Variants in SGK3 observed in about 807,000 individuals in gnomAD.
The protein encoded by SGK3 is serine/threonine-protein kinase Sgk3.
A neutral mutation model predicts 68.5 loss-of-function variants in SGK3; 47 were observed. The observed-to-expected ratio is 0.69, with a 90% CI of 0.54 to 0.87. The LOEUF is 0.87. Ranked by LOEUF, SGK3 falls within the 40% of genes least tolerant of loss-of-function variation. The pLI is 0.00. For synonymous variants in SGK3, 181 were observed against 189.1 expected (o/e 0.96, Z 0.35); for missense variants, 479 against 575.5 (o/e 0.83, Z 1.72).
intron 1 of SGK3, among the ~76,000 whole-genome samples, chr8:66,735,889 A>G (rs1178169334): frequency 6.6e-6 from 1 of 152,222 alleles, no homozygotes; most frequent in Non-Finnish European, 1.5e-5. Flanking sequence ...GGCACTCAAT[A>G]GATCTATCCA....
At chr8:66,833,618 A>C (rs1331375686) in intron 8 of SGK3, among the ~76,000 whole-genome samples, 3 of 152,236 alleles carry the variant, frequency 2.0e-5, no homozygotes, top group Admixed American at 6.5e-5. Context: ...GTGTTGTCAA[A>C]TCCGTGACCA....
In SGK3 at chr8:66,756,569, CTTTTTTTTTTT is replaced by C. The variant is rs34499404; in HGVS notation, c.-121-37029_-121-37019del. Among the ~76,000 whole-genome samples, 10 of 77,932 alleles carry C rather than the reference CTTTTTTTTTTT, an allele frequency of 1.3e-4. 1 individual carries two copies. Among genetic ancestry groups the C allele is most frequent in the Middle Eastern group, 0.01 (1 of 96 alleles). The allele number at this position is 77,932 out of a possible 152,430, so 51.1% of individuals were successfully genotyped here. Reference sequence around the variant, plus strand: ...ATCTTGAAATTGAGGCATGCATCTACTTTTTTTTTTTTTTTTTTTTTTTTTTTTGAGACAGG... The same window carrying C: ...ATCTTGAAATTGAGGCATGCATCTACTTTTTTTTTTTTTTTTTGAGACAGG... On this transcript the variant is annotated intron_variant, in intron 1 of 16. Coordinates refer to ENST00000521198, the MANE Select transcript of SGK3 (RefSeq NM_001033578.3).
At chr8:66,716,285 T>A (rs1427401708) in intron 1 of SGK3, among the ~76,000 whole-genome samples, 1 of 152,170 alleles carries the variant, frequency 6.6e-6, no homozygotes, top group Non-Finnish European at 1.5e-5. Context: ...TAGTTTTAAC[T>A]CAATGCTAAC....
intron 4 of SGK3, among the ~76,000 whole-genome samples, chr8:66,809,654 T>G (rs1808301733): frequency 6.6e-6 from 1 of 152,228 alleles, no homozygotes; most frequent in East Asian, 1.9e-4. Context: ...GTATGAAATG[T>G]AATTTATTTG....
At chr8:66,742,726 G>GATAAGTCAGTCTTT (rs1805518565) in intron 1 of SGK3, among the ~76,000 whole-genome samples, 1 of 152,076 alleles carries the variant, frequency 6.6e-6, no homozygotes, top group Non-Finnish European at 1.5e-5. Context: ...GTCTTTATGA[G>GATAAGTCAGTCTTT]ATGATGTAGA....
At chr8:66,846,488 A>AT (rs1190154022) in intron 14 of SGK3, among the ~76,000 whole-genome samples, 3 of 151,252 alleles carry the variant, frequency 2.0e-5, no homozygotes, top group South Asian at 2.1e-4. Context: ...CTGGTTTTTT[A>AT]TTTTTTCAGT....
intron 1 of SGK3, among the ~76,000 whole-genome samples, chr8:66,715,621 G>A (rs947328827): frequency 1.3e-5 from 2 of 152,174 alleles, no homozygotes; most frequent in African/African-American, 4.8e-5. Flanking sequence ...CATAGGTATT[G>A]TAAATATTTT....
chr8:66,855,176 G>C (rs957459407), intron 16 of SGK3, among the ~76,000 whole-genome samples: 11 of 152,252 alleles, frequency 7.2e-5, no homozygotes, highest in African/African-American at 2.4e-4. Flanking sequence ...TGGTAGATTT[G>C]ACTACATAAA....
chr8:66,744,103 G>A (rs186802944), intron 1 of SGK3, among the ~76,000 whole-genome samples: 8 of 152,254 alleles, frequency 5.3e-5, no homozygotes, highest in Admixed American at 2.6e-4. Context: ...CTGAGACAGC[G>A]TGCATGGGAG....
chr8:66,760,330 CTTTTTTTTTT>C (rs201559163), intron 1 of SGK3, among the ~76,000 whole-genome samples: 7 of 115,648 alleles, frequency 6.1e-5, no homozygotes, highest in South Asian at 2.9e-4. Context: ...TTTCTTTTTT[CTTTTTTTTTT>C]TTTTTTTTTT....
chr8:66,767,078 C>A (rs1806342006), intron 1 of SGK3, among the ~76,000 whole-genome samples: 1 of 152,214 alleles, frequency 6.6e-6, no homozygotes, highest in African/African-American at 2.4e-5. Context: ...CTCCCGACCT[C>A]AGGTGATCCG....
At chr8:66,773,784 G>A (rs188660495) in intron 1 of SGK3, among the ~76,000 whole-genome samples, 2 of 152,210 alleles carry the variant, frequency 1.3e-5, no homozygotes, top group African/African-American at 2.4e-5. Flanking sequence ...GATGGAGTGG[G>A]ATAGCGTGAG....
chr8:66,850,798 C>T lies in SGK3; in HGVS notation c.1231-33C>T, dbSNP rs775635915. 24 of 1,561,138 alleles carry T rather than the reference C, an allele frequency of 1.5e-5. No homozygotes were observed. In the African/African-American group the frequency reaches 2.7e-4, roughly 18 times the overall value. ...AGTTAGTACTTAATATATTCTTCGG[C>T]ATTAGTAAAACAAATTTTTTTTAAT... On this transcript the variant is annotated intron_variant, in intron 15 of 16. Transcript: ENST00000521198.
At chr8:66,833,212 G>A (rs1809374110) in intron 8 of SGK3, among the ~76,000 whole-genome samples, 1 of 152,040 alleles carries the variant, frequency 6.6e-6, no homozygotes, top group Admixed American at 6.6e-5. Flanking sequence ...TACCATGTTG[G>A]CCAGGCTGGT....
chr8:66,783,521 T>C (rs1485700800), intron 1 of SGK3, among the ~76,000 whole-genome samples: 3 of 152,120 alleles, frequency 2.0e-5, no homozygotes, highest in East Asian at 3.8e-4. Flanking sequence ...TTTATTTTTA[T>C]TTTTATTTTT....
At chr8:66,728,868 A>G (rs573587979) in intron 1 of SGK3, among the ~76,000 whole-genome samples, 5 of 151,902 alleles carry the variant, frequency 3.3e-5, no homozygotes, top group Non-Finnish European at 7.4e-5. Context: ...GTGAACTATG[A>G]TCACACCACT....
At chr8:66,824,935 T>G (rs1195538389) in intron 6 of SGK3, among the ~76,000 whole-genome samples, 1 of 152,236 alleles carries the variant, frequency 6.6e-6, no homozygotes, top group Non-Finnish European at 1.5e-5. Context: ...AAAACCTTTT[T>G]CCTAATACTT....
At chr8:66,729,195 G>A (rs570028286) in intron 1 of SGK3, among the ~76,000 whole-genome samples, 136 of 151,522 alleles carry the variant, frequency 9.0e-4, no homozygotes, top group African/African-American at 3.2e-3. Flanking sequence ...CTCCTCTCAC[G>A]CCTGTAATCC....
chr8:66,718,449 A>ATG (rs34252246), intron 1 of SGK3, among the ~76,000 whole-genome samples: 8,099 of 147,082 alleles, frequency 0.055, 267 homozygotes, highest in South Asian at 0.1. Flanking sequence ...TATATATATT[A>ATG]TGTGTGTGTG....
Sources: gnomAD v4.1 joint callset for allele counts (sites outside exome capture counted in the v4.1 genomes callset) on GRCh38, gnomAD v4.1.1 for gene constraint, MANE v1.5 for transcripts, NCBI Gene and HGNC (gene_info 2026-07-23, HGNC 2026-07-21) for gene names.